Variants in CAMTA1 observed in about 807,000 individuals in gnomAD.
CAMTA1 encodes calmodulin-binding transcription activator 1.
A neutral mutation model predicts 170.9 loss-of-function variants in CAMTA1; 27 were observed. The observed-to-expected ratio is 0.16, with a 90% CI of 0.12 to 0.22. CAMTA1 has a LOEUF of 0.22. CAMTA1 is among the 10% of genes least tolerant of loss of function. CAMTA1 has a pLI of 1.00. For synonymous variants in CAMTA1, 833 were observed against 891.5 expected (o/e 0.93, Z 1.17); for missense variants, 1,619 against 2,217.2 (o/e 0.73, Z 5.42).
chr1:7,387,472 G>A (rs1304601444), intron 5 of CAMTA1, among the ~76,000 whole-genome samples: 1 of 152,180 alleles, frequency 6.6e-6, no homozygotes, highest in Non-Finnish European at 1.5e-5. Context: ...GGGTCTCTGA[G>A]CTTCACGGCT....
chr1:7,033,585 A>ATTT (rs1703101563), intron 3 of CAMTA1, among the ~76,000 whole-genome samples: 3 of 83,276 alleles, frequency 3.6e-5, no homozygotes, highest in Admixed American at 1.4e-4. Flanking sequence ...TCTTGTAAAT[A>ATTT]TTCTTTTTTT....
At chr1:7,106,335 G>C (rs1643588815) in intron 4 of CAMTA1, among the ~76,000 whole-genome samples, 1 of 152,022 alleles carries the variant, frequency 6.6e-6, no homozygotes, top group Admixed American at 6.6e-5. Flanking sequence ...GGAGGAAATA[G>C]AGGAAGAAGA....
chr1:7,446,096 G>T (rs956708995), intron 5 of CAMTA1, among the ~76,000 whole-genome samples: 1 of 151,254 alleles, frequency 6.6e-6, no homozygotes, highest in South Asian at 2.1e-4. Context: ...TCCGCCCGCC[G>T]CTCACCTTGC....
chr1:6,842,192 A>T (rs1017721670), intron 3 of CAMTA1, among the ~76,000 whole-genome samples: 1 of 152,226 alleles, frequency 6.6e-6, no homozygotes, highest in African/African-American at 2.4e-5. Flanking sequence ...ATGCTCACAG[A>T]GGTGGAAGAC....
intron 1 of CAMTA1, among the ~76,000 whole-genome samples, chr1:6,785,914 A>G (rs1237313716): frequency 1.4e-5 from 2 of 147,768 alleles, no homozygotes; most frequent in African/African-American, 5.0e-5. Flanking sequence ...CGGACCGGGC[A>G]TCCCCGCCGC....
At chr1:7,716,072 G>C (rs1380153453) in intron 11 of CAMTA1, among the ~76,000 whole-genome samples, 1 of 152,132 alleles carries the variant, frequency 6.6e-6, no homozygotes, top group African/African-American at 2.4e-5. Context: ...TCACTCTGTT[G>C]CCCGGGCTGG....
chr1:6,924,012 G>C (rs1682576551), intron 3 of CAMTA1, among the ~76,000 whole-genome samples: 1 of 152,198 alleles, frequency 6.6e-6, no homozygotes, highest in African/African-American at 2.4e-5. Flanking sequence ...AAATGAAGGG[G>C]CTACCTGGTT....
intron 3 of CAMTA1, among the ~76,000 whole-genome samples, chr1:6,896,502 G>A (rs1675697680): frequency 6.6e-6 from 1 of 152,128 alleles, no homozygotes; most frequent in Non-Finnish European, 1.5e-5. Context: ...TTTGGGGTTA[G>A]GTAGCAAATC....
chr1:7,390,779 G>A (rs550883600), intron 5 of CAMTA1, among the ~76,000 whole-genome samples: 6 of 152,244 alleles, frequency 3.9e-5, no homozygotes, highest in Non-Finnish European at 5.9e-5. Flanking sequence ...GCCCTCACTG[G>A]CTGCCATTGA....
chr1:6,822,774 G>C (rs114836777), intron 2 of CAMTA1, among the ~76,000 whole-genome samples: 1 of 151,004 alleles, frequency 6.6e-6, no homozygotes, highest in Non-Finnish European at 1.5e-5. Context: ...GTTGAGAAGA[G>C]TACCTTTATT....
chr1:6,849,560 A>G (rs1331723756), intron 3 of CAMTA1, among the ~76,000 whole-genome samples: 1 of 152,084 alleles, frequency 6.6e-6, no homozygotes, highest in Non-Finnish European at 1.5e-5. Flanking sequence ...ACATAGTAGC[A>G]AGGAGACTGA....
At chr1:6,788,248 C>G (rs905138173) in intron 1 of CAMTA1, among the ~76,000 whole-genome samples, 2 of 145,468 alleles carry the variant, frequency 1.4e-5, no homozygotes, top group African/African-American at 2.5e-5. Flanking sequence ...GGAAGTCTTA[C>G]TCTTTGACAG....
At chr1:7,310,606 T>TTC (rs759695617) in intron 5 of CAMTA1, among the ~76,000 whole-genome samples, 7 of 11,306 alleles carry the variant, frequency 6.2e-4, no homozygotes, top group Admixed American at 1.7e-3. Flanking sequence ...TTTCTTTTCT[T>TTC]TCTTTCTTTC....
intron 1 of CAMTA1, among the ~76,000 whole-genome samples, chr1:6,799,777 C>G (rs1160534401): frequency 6.6e-6 from 1 of 152,120 alleles, no homozygotes; most frequent in African/African-American, 2.4e-5. Flanking sequence ...AATGTGGTCT[C>G]TCTCTCTCTC....
At chr1:7,447,433 G>C (rs1410425176) in intron 5 of CAMTA1, among the ~76,000 whole-genome samples, 1 of 151,230 alleles carries the variant, frequency 6.6e-6, no homozygotes, top group Non-Finnish European at 1.5e-5. Flanking sequence ...GCGGGGTGGG[G>C]GGTGAGGGGG....
chr1:7,100,526 T>G (rs910531539), intron 4 of CAMTA1, among the ~76,000 whole-genome samples: 1 of 152,196 alleles, frequency 6.6e-6, no homozygotes, highest in African/African-American at 2.4e-5. Flanking sequence ...TTTTTCCAAG[T>G]CTTTTTCAGT....
At chr1:7,520,176 T>C in intron 6 of CAMTA1, among the ~76,000 whole-genome samples, 1 of 109,604 alleles carries the variant, frequency 9.1e-6, no homozygotes, top group Admixed American at 9.9e-5. Flanking sequence ...CTCTCAGGCC[T>C]CAGCTGCCCT....
At chr1:7,091,938 C>T (rs1052815416) in intron 4 of CAMTA1, among the ~76,000 whole-genome samples, 3 of 152,214 alleles carry the variant, frequency 2.0e-5, no homozygotes, top group African/African-American at 7.2e-5. Context: ...ATATAGCTGA[C>T]CTGCGTTCCG....
intron 6 of CAMTA1, among the ~76,000 whole-genome samples, chr1:7,529,990 C>T (rs908567078): frequency 1.1e-4 from 16 of 152,338 alleles, no homozygotes; most frequent in African/African-American, 3.6e-4. Flanking sequence ...CCAGCATGCT[C>T]CCCTGCCACC....
Sources: gnomAD v4.1 joint callset for allele counts (sites outside exome capture counted in the v4.1 genomes callset) on GRCh38, gnomAD v4.1.1 for gene constraint, MANE v1.5 for transcripts, NCBI Gene and HGNC (gene_info 2026-07-23, HGNC 2026-07-21) for gene names.